ANXA8: variants seen among roughly 807,000 people sequenced by gnomAD.
ANXA8 encodes the protein annexin A8, also known as VAC-beta.
Under a neutral mutation model 26.8 loss-of-function variants are expected in ANXA8, and 9 were observed. That is an observed-to-expected ratio of 0.34 (90% confidence interval 0.20 to 0.59). ANXA8 has a LOEUF of 0.59. Among genes scored for constraint, ANXA8 ranks in the 20% least tolerant of loss-of-function variants. The probability of loss-of-function intolerance (pLI) is 0.84; values close to 1 mark genes in which losing one functional copy is unlikely to be tolerated. For missense variants in ANXA8, 83 were observed against 238.5 expected (o/e 0.35, Z 4.29); for synonymous variants, 39 against 94.8 (o/e 0.41, Z 3.42).
chr10:47,502,768 C>CTTT, the ANXA8 span: 1 of 1,577,410 alleles, frequency 6.3e-7, no homozygotes, highest in African/African-American at 1.4e-5. Context: ...CTGGGACTTG[C>CTTT]TTTTACTGCT....
the ANXA8 span, among the ~76,000 whole-genome samples, chr10:47,540,577 G>A: frequency 8.9e-6 from 1 of 112,774 alleles, no homozygotes; most frequent in Non-Finnish European, 1.8e-5. Flanking sequence ...GGCAGGAAGA[G>A]GACAAAATGA....
the ANXA8 span, chr10:47,503,021 C>T: frequency 1.2e-3 from 1,866 of 1,606,944 alleles, 12 homozygotes; most frequent in South Asian, 8.3e-3. Context: ...TCACCCAGCC[C>T]GGTGTCCATG....
At chr10:47,612,940 C>T in the ANXA8 span, among the ~76,000 whole-genome samples, 2 of 75,186 alleles carry the variant, frequency 2.7e-5, no homozygotes, top group East Asian at 5.3e-4. Flanking sequence ...AGGTATACTG[C>T]TATAAGCAAC....
chr10:47,469,251 A>C (rs1839229485), intron 11 of ANXA8, among the ~76,000 whole-genome samples: 1 of 148,870 alleles, frequency 6.7e-6, no homozygotes, highest in African/African-American at 2.5e-5. Context: ...AACAGGATGC[A>C]TCATTATTCA....
At chr10:47,674,807 T>C in the ANXA8 span, among the ~76,000 whole-genome samples, 2 of 151,882 alleles carry the variant, frequency 1.3e-5, no homozygotes, top group Non-Finnish European at 2.9e-5. Context: ...TTATTTATTT[T>C]ATTGTTCAAG....
chr10:47,982,137 A>T, the ANXA8 span, among the ~76,000 whole-genome samples: 2 of 151,454 alleles, frequency 1.3e-5, no homozygotes, highest in Non-Finnish European at 3.0e-5. Flanking sequence ...AAAATAAAAA[A>T]AGATTAGCTG....
chr10:47,544,104 C>T, the ANXA8 span, among the ~76,000 whole-genome samples: 24 of 151,968 alleles, frequency 1.6e-4, no homozygotes, highest in Admixed American at 1.2e-3. Context: ...CACCCGGGCA[C>T]GAAGGCAGCA....
the ANXA8 span, among the ~76,000 whole-genome samples, chr10:47,755,187 T>C: frequency 5.5e-4 from 84 of 151,540 alleles, no homozygotes; most frequent in East Asian, 1.6e-3. Flanking sequence ...GATCTCTTGA[T>C]GTCGTAATCC....
At chr10:47,744,408 T>TG in the ANXA8 span, among the ~76,000 whole-genome samples, 32 of 4,316 alleles carry the variant, frequency 7.4e-3, 1 homozygote, top group African/African-American at 0.021. Flanking sequence ...GGAAGGCTCC[T>TG]GGTGGGGGGG....
At chr10:47,977,457 T>C in the ANXA8 span, among the ~76,000 whole-genome samples, 1 of 150,888 alleles carries the variant, frequency 6.6e-6, no homozygotes, top group African/African-American at 2.4e-5. Context: ...AAGCTGCCAT[T>C]AGAAACTTTT....
At chr10:47,749,658 G>A in the ANXA8 span, among the ~76,000 whole-genome samples, 2 of 149,720 alleles carry the variant, frequency 1.3e-5, no homozygotes, top group Admixed American at 1.4e-4. Context: ...GAATGTGTAA[G>A]TAAAACCAAT....
chr10:47,610,814 G>A, the ANXA8 span, among the ~76,000 whole-genome samples: 12 of 119,670 alleles, frequency 1.0e-4, no homozygotes, highest in East Asian at 2.6e-3. Context: ...CAAGAGCATA[G>A]GAGAAAGTCA....
the ANXA8 span, among the ~76,000 whole-genome samples, chr10:47,761,100 A>G: frequency 1.5e-3 from 106 of 71,180 alleles, no homozygotes; most frequent in South Asian, 5.0e-3. Flanking sequence ...ACACACACAC[A>G]CGCACACACA....
the ANXA8 span, chr10:47,696,335 T>C: frequency 2.0e-6 from 1 of 503,186 alleles, no homozygotes; most frequent in Non-Finnish European, 3.3e-6. Flanking sequence ...TATTTTGCTG[T>C]GACTAGTAGG....
chr10:47,778,785 C>T, the ANXA8 span, among the ~76,000 whole-genome samples: 3 of 151,756 alleles, frequency 2.0e-5, no homozygotes, highest in South Asian at 6.2e-4. Flanking sequence ...AAGCACTGTA[C>T]AGCATAATTC....
the ANXA8 span, among the ~76,000 whole-genome samples, chr10:47,696,131 A>G: frequency 6.6e-6 from 1 of 151,932 alleles, no homozygotes; most frequent in Non-Finnish European, 1.5e-5. Flanking sequence ...TTCCTTATGT[A>G]AATAAAAGCT....
intron 4 of ANXA8, 148 bp from the exon 5 acceptor site, chr10:47,476,470 T>G: frequency 7.8e-7 from 1 of 1,278,984 alleles, no homozygotes; most frequent in Non-Finnish European, 1.1e-6. Context: ...GAAAATCACA[T>G]GCTTCAGTGA....
the ANXA8 span, among the ~76,000 whole-genome samples, chr10:47,682,445 T>C: frequency 6.9e-6 from 1 of 145,082 alleles, no homozygotes; most frequent in African/African-American, 2.6e-5. Context: ...CATGTTCACC[T>C]TATTCTTTTT....
chr10:47,748,869 GAA>G, the ANXA8 span, among the ~76,000 whole-genome samples: 1 of 144,936 alleles, frequency 6.9e-6, no homozygotes, highest in African/African-American at 2.6e-5. Flanking sequence ...GTTCCTCAAA[GAA>G]AAAAGTGTCA....
Sources: allele counts gnomAD v4.1 joint callset (sites outside exome capture counted in the v4.1 genomes callset), GRCh38; gene constraint gnomAD v4.1.1; transcripts MANE v1.5; gene names NCBI Gene and HGNC (gene_info 2026-07-23, HGNC 2026-07-21).